The following UBL3 variants were observed in gnomAD, a reference collection of about 807,000 sequenced individuals.
UBL3 encodes ubiquitin-like protein 3.
In UBL3, 6 loss-of-function variants were observed where a neutral mutation model predicts 18.4. The observed-to-expected ratio is 0.33, with a 90% CI of 0.18 to 0.64. The LOEUF (loss-of-function observed/expected upper bound fraction) is 0.64. Ranked by LOEUF, UBL3 falls within the 30% of genes least tolerant of loss-of-function variation. UBL3 has a pLI of 0.76. For missense variants in UBL3, 109 were observed against 142.9 expected (o/e 0.76, Z 1.21); for synonymous variants, 49 against 46.6 (o/e 1.05, Z -0.21).
At chr13:29,771,429 G>C (rs1876838119) in intron 3 of UBL3, among the ~76,000 whole-genome samples, 1 of 152,044 alleles carries the variant, frequency 6.6e-6, no homozygotes, top group Admixed American at 6.6e-5. Flanking sequence ...CAATTAAGGT[G>C]TTTACTATGT....
At chr13:29,806,475 G>C (rs903734695) in intron 1 of UBL3, among the ~76,000 whole-genome samples, 1 of 152,044 alleles carries the variant, frequency 6.6e-6, no homozygotes, top group Non-Finnish European at 1.5e-5. Context: ...CCCCTAAGAA[G>C]GATCTTAAAC....
intron 3 of UBL3, among the ~76,000 whole-genome samples, chr13:29,769,299 G>C (rs1310934494): frequency 6.6e-6 from 1 of 152,054 alleles, no homozygotes; most frequent in African/African-American, 2.4e-5. Context: ...TGTAATGCGT[G>C]GGAGCTATTA....
At chr13:29,835,655 T>C (rs1878942359) in intron 1 of UBL3, among the ~76,000 whole-genome samples, 2 of 145,454 alleles carry the variant, frequency 1.4e-5, no homozygotes, top group Admixed American at 1.5e-4. Flanking sequence ...CTCGGGAGGC[T>C]GAGGCAGGAG....
rs34271187 is a variant in UBL3 at position 29,835,753 on chromosome 13, C to CAAA, written c.27+13756_27+13758dup. Among the ~76,000 whole-genome samples, 8 of 37,006 alleles carry CAAA rather than the reference C, an allele frequency of 2.2e-4. 1 individual carries two copies. Among genetic ancestry groups the CAAA allele is most frequent in the South Asian group, 1.3e-3 (1 of 780 alleles). 24.3% of individuals were successfully genotyped at this position (37,006 alleles called of 152,430 possible). On this transcript the variant is annotated intron_variant, in intron 1 of 4. Coordinates refer to ENST00000380680, the MANE Select transcript of UBL3 (RefSeq NM_007106.4). ...CTGGCAACAGAGCTAGACGCTGTCT[C>CAAA]AAAAAAAAAAAAAAAAAAAAAAAAA...
At chr13:29,776,733 T>C (rs1345470990) in intron 2 of UBL3, among the ~76,000 whole-genome samples, 4 of 151,582 alleles carry the variant, frequency 2.6e-5, no homozygotes, top group Admixed American at 1.3e-4. Flanking sequence ...TAGCTGGGTG[T>C]GGTGGCACGT....
chr13:29,779,232 T>G (rs1371739701), intron 1 of UBL3: 2 of 508,418 alleles, frequency 3.9e-6, no homozygotes, highest in Non-Finnish European at 7.8e-6. Flanking sequence ...AATATGAATT[T>G]CAGTCCTCAC....
chr13:29,835,087 TAA>T lies in UBL3; in HGVS notation c.27+14423_27+14424del, dbSNP rs1232140702. Among the ~76,000 whole-genome samples, 70 of 63,130 alleles carry T rather than the reference TAA, an allele frequency of 1.1e-3. 3 individuals carry two copies. The highest frequency in any genetic ancestry group is 6.3e-3 in the African/African-American group (58 of 9,166). The allele number at this position is 63,130 out of a possible 152,430, so 41.4% of individuals were successfully genotyped here. The stretch of plus-strand genomic sequence containing the variant: ...TGGCAGCAAATAAAATATATAAATA[TAA>T]ATATATATATATATATAAATATATA... On this transcript the variant is annotated intron_variant, in intron 1 of 4. Transcript: ENST00000380680.
At chr13:29,784,739 A>G (rs1877264803) in intron 1 of UBL3, among the ~76,000 whole-genome samples, 1 of 152,162 alleles carries the variant, frequency 6.6e-6, no homozygotes, top group Admixed American at 6.5e-5. Flanking sequence ...GGGTAGCACA[A>G]AGAATCCTTG....
At chr13:29,799,620 G>C (rs143728092) in intron 1 of UBL3, among the ~76,000 whole-genome samples, 7 of 152,252 alleles carry the variant, frequency 4.6e-5, no homozygotes, top group Admixed American at 1.3e-4. Flanking sequence ...GTTCTTCAAA[G>C]CGGTACCTTT....
chr13:29,798,176 C>A (rs1472130242), intron 1 of UBL3, among the ~76,000 whole-genome samples: 2 of 152,170 alleles, frequency 1.3e-5, no homozygotes, highest in African/African-American at 4.8e-5. Context: ...AGGCACCCAT[C>A]CCCATGCTCA....
chr13:29,837,996 G>A (rs1879001997), intron 1 of UBL3, among the ~76,000 whole-genome samples: 2 of 149,292 alleles, frequency 1.3e-5, no homozygotes, highest in South Asian at 4.2e-4. Flanking sequence ...ATTGACTCAG[G>A]ACCTCAAGAT....
At chr13:29,812,671 T>A (rs930593891) in intron 1 of UBL3, among the ~76,000 whole-genome samples, 10 of 152,062 alleles carry the variant, frequency 6.6e-5, no homozygotes, top group African/African-American at 2.2e-4. Context: ...CCAGAAAACC[T>A]TAAGCATGTT....
Position 29,767,245 on chromosome 13 carries a change from C to A in UBL3, c.*10G>T, listed in dbSNP as rs1565987076. Reference sequence around the variant, plus strand: ...AAAGACTATATCACATCACACTAGGCAGACAGTGTTTACAGGATTACACAA... The same window carrying A: ...AAAGACTATATCACATCACACTAGGAAGACAGTGTTTACAGGATTACACAA... On this transcript the variant is annotated 3_prime_UTR_variant, in exon 5 of 5. Transcript: ENST00000380680. The A allele has an allele frequency of 6.2e-7, 1 of 1,612,868 alleles. No homozygotes were observed. Among genetic ancestry groups the A allele is most frequent in the East Asian group, 2.2e-5 (1 of 44,846 alleles).
At chr13:29,813,974 C>A (rs1878187869) in intron 1 of UBL3, among the ~76,000 whole-genome samples, 1 of 152,080 alleles carries the variant, frequency 6.6e-6, no homozygotes, top group African/African-American at 2.4e-5. Context: ...TGACACTGTT[C>A]TGGTTATCTA....
At chr13:29,844,742 A>C (rs1470519191) in intron 1 of UBL3, among the ~76,000 whole-genome samples, 1 of 152,120 alleles carries the variant, frequency 6.6e-6, no homozygotes, top group East Asian at 1.9e-4. Context: ...ACATTTACTA[A>C]GTATATGCTT....
chr13:29,831,629 A>C (rs1180033878), intron 1 of UBL3, among the ~76,000 whole-genome samples: 1 of 151,594 alleles, frequency 6.6e-6, no homozygotes, highest in East Asian at 1.9e-4. Flanking sequence ...TACAAGCTTG[A>C]TTATATGTCT....
At position 29,764,802 on chromosome 13, in the gene UBL3, T is replaced by A. The variant is rs367837085; in HGVS notation, c.*2453A>T. ...GATCTATGCAGCTCTCACCTTTAGA[T>A]AAGTGAGCTATATTTTTGGCAGAGG... On this transcript the variant is annotated 3_prime_UTR_variant, in exon 5 of 5. Coordinates refer to ENST00000380680, the MANE Select transcript of UBL3 (RefSeq NM_007106.4). 1 of 152,140 alleles carries A rather than the reference T, an allele frequency of 6.6e-6. No homozygotes were observed. Among genetic ancestry groups the A allele is most frequent in the East Asian group, 1.9e-4 (1 of 5,194 alleles). 9.4% of individuals were successfully genotyped at this position (152,140 alleles called of 1,614,324 possible).
At chr13:29,825,193 C>G (rs572611264) in intron 1 of UBL3, among the ~76,000 whole-genome samples, 14 of 152,242 alleles carry the variant, frequency 9.2e-5, no homozygotes, top group Non-Finnish European at 2.1e-4. Flanking sequence ...AATGTGGGCT[C>G]TTTTTTGGTT....
intron 1 of UBL3, among the ~76,000 whole-genome samples, chr13:29,832,502 T>G (rs1159856646): frequency 6.6e-6 from 1 of 152,044 alleles, no homozygotes; most frequent in East Asian, 1.9e-4. Flanking sequence ...CCGGCTAATT[T>G]TTTGTATTTT....
Sources: allele counts gnomAD v4.1 joint callset (sites outside exome capture counted in the v4.1 genomes callset), GRCh38; gene constraint gnomAD v4.1.1; transcripts MANE v1.5; gene names NCBI Gene and HGNC (gene_info 2026-07-23, HGNC 2026-07-21).